The following SLC52A1 variants were observed in gnomAD, a reference collection of about 807,000 sequenced individuals.
SLC52A1 encodes solute carrier family 52 member 1.
In SLC52A1, 20 loss-of-function variants were observed where a neutral mutation model predicts 23.2. The observed-to-expected ratio is 0.86, with a 90% confidence interval of 0.61 to 1.25. The LOEUF (loss-of-function observed/expected upper bound fraction) is 1.25. Among genes scored for constraint, SLC52A1 ranks in the 50% most tolerant of loss-of-function variants. SLC52A1 has a pLI of 0.00. For missense variants in SLC52A1, 528 were observed against 557.0 expected (o/e 0.95, Z 0.52); for synonymous variants, 260 against 256.6 (o/e 1.01, Z -0.13).
In SLC52A1 at chr17:5,033,998, A is replaced by G. The variant is rs979459191; in HGVS notation, c.491T>C (p.Val164Ala). ...GCACTCGAGGCGGCCCACACCTTGCACTAGGGCCAGCACACAGGGGAGTAG... is the reference window on the plus strand; with the variant it reads ...GCACTCGAGGCGGCCCACACCTTGCGCTAGGGCCAGCACACAGGGGAGTAG... ...SALLPCVLAL[V>A]QGVGRLECPP... The change falls in exon 3 of 5, where the codon GTG becomes GCG. Residue 164 changes from valine to alanine, a missense_variant. Coordinates refer to ENST00000254853, the MANE Select transcript of SLC52A1 (RefSeq NM_017986.4). The G allele has an allele frequency of 6.2e-7, 1 of 1,614,004 alleles. No homozygotes were observed. Among genetic ancestry groups the G allele is most frequent in the African/African-American group, 1.3e-5 (1 of 75,046 alleles).
chr17:5,038,886 C>G (rs892173245), upstream of SLC52A1, among the ~76,000 whole-genome samples: 1 of 152,100 alleles, frequency 6.6e-6, no homozygotes, highest in Non-Finnish European at 1.5e-5. Flanking sequence ...CCGCGCCTGG[C>G]CTATCCAACA....
At chr17:5,039,662 G>C (rs1488088301), upstream of SLC52A1, among the ~76,000 whole-genome samples, 6 of 152,066 alleles carry the variant, frequency 3.9e-5, no homozygotes, top group Admixed American at 2.0e-4. Context: ...AGTAAAGATG[G>C]GGTTTCACCA....
chr17:5,033,861 C>T lies in SLC52A1; in HGVS notation c.628G>A (p.Ala210Thr), dbSNP rs139373407. 101 of 1,614,240 alleles carry T rather than the reference C, an allele frequency of 6.3e-5. No homozygotes were observed. The highest frequency in any genetic ancestry group is 3.2e-4 in the African/African-American group (24 of 75,068). ...AACAGCAACAGGAGACCCCGGAAGGCGGCAGCTGAAGTGACCAGAAGGGCA... is the reference window on the plus strand; with the variant it reads ...AACAGCAACAGGAGACCCCGGAAGGTGGCAGCTGAAGTGACCAGAAGGGCA... ...LTALLVTSAA[A>T]FRGLLLLLPS... The change falls in exon 3 of 5, where the codon GCC becomes ACC. Residue 210 changes from alanine to threonine, a missense_variant. Ala to Thr is a moderately conservative substitution (Grantham distance 58). Coordinates refer to ENST00000254853, the MANE Select transcript of SLC52A1 (RefSeq NM_017986.4).
chr17:5,037,787 A>G (rs1468938211), upstream of SLC52A1, among the ~76,000 whole-genome samples: 1 of 152,132 alleles, frequency 6.6e-6, no homozygotes, highest in African/African-American at 2.4e-5. Flanking sequence ...CCCTATTCTC[A>G]GTGATCATTA....
upstream of SLC52A1, among the ~76,000 whole-genome samples, chr17:5,037,259 C>T (rs369002020): frequency 5.8e-4 from 88 of 152,300 alleles, 1 homozygote; most frequent in East Asian, 0.013. Context: ...GTGGCTCACG[C>T]CTGTAATCCC....
chr17:5,037,926 T>C (rs1173827937), upstream of SLC52A1, among the ~76,000 whole-genome samples: 3 of 146,258 alleles, frequency 2.1e-5, no homozygotes, highest in Non-Finnish European at 3.0e-5. Context: ...TTTTTTTTTT[T>C]TTTTTTTTTT....
chr17:5,040,394 A>C (rs1597882067), upstream of SLC52A1, among the ~76,000 whole-genome samples: 2 of 152,046 alleles, frequency 1.3e-5, no homozygotes. Flanking sequence ...GGCTGCTCCC[A>C]AACTCCTGGG....
intron 1 of SLC52A1, among the ~76,000 whole-genome samples, chr17:5,040,533 G>T (rs1034399185): frequency 1.3e-5 from 2 of 152,128 alleles, no homozygotes; most frequent in Non-Finnish European, 2.9e-5. Context: ...TGTCATTGTG[G>T]TTTCGACACT....
At chr17:5,041,016 C>T (rs1489288057) in intron 1 of SLC52A1, among the ~76,000 whole-genome samples, 9 of 152,022 alleles carry the variant, frequency 5.9e-5, no homozygotes, top group South Asian at 2.1e-4. Flanking sequence ...AGGATGGTCT[C>T]GATCTCCTGA....
At position 5,032,979 on chromosome 17, in the gene SLC52A1, C is replaced by T. The variant is rs1423058072; in HGVS notation, c.1325G>A (p.Cys442Tyr). ...GGCTCAGGGGCCACAGGGGTCTACA[C>T]AGTCCTTTCTGCTTTGAAACACGTG... Reference protein sequence around the residue: ...IYHVFQSRKDCVDPCGP With the variant: ...IYHVFQSRKDYVDPCGP Residue 442 changes from cysteine (C) to tyrosine (Y), a missense_variant, in exon 5 of 5, where the codon TGT becomes TAT. Physicochemically the swap from Cys to Tyr is radical, Grantham distance 194. Transcript: ENST00000254853. 6.2e-7 allele frequency: 1 copy of T among 1,613,788 alleles called. No individual in the cohort carries two copies.
rs1975369684 is a variant in SLC52A1 at position 5,033,479 on chromosome 17, C to T, written c.1010G>A (p.Arg337Lys). 1 of 1,611,046 alleles carries T rather than the reference C, an allele frequency of 6.2e-7. No individual in the cohort carries two copies. The highest frequency in any genetic ancestry group is 8.5e-7 in the Non-Finnish European group (1 of 1,178,304). Residue 337 changes from arginine (R) to lysine (K), a missense_variant and splice_region_variant, in exon 3 of 5, where the codon AGG becomes AAG. Arg to Lys is a conservative substitution (Grantham distance 26). Transcript: ENST00000254853. ...ACFLAMGVLC[R>K]SLAGLVGLSL... ...ACCAAGCCTGGGGACCCTTTTGCAC[C>T]TGCACAGCACGCCCATGGCCAGGAA...
intron 1 of SLC52A1, among the ~76,000 whole-genome samples, chr17:5,041,332 G>A (rs184732335): frequency 1.3e-5 from 2 of 151,632 alleles, no homozygotes; most frequent in African/African-American, 2.4e-5. Flanking sequence ...GCCCAGGTTC[G>A]AGTGCAGTGG....
rs1197108340 is a variant in SLC52A1 at position 5,034,937 on chromosome 17, G to C, written c.-184C>G. 7.4e-6 allele frequency: 2 copies of C among 270,302 alleles called. No individual in the cohort carries two copies. The highest frequency in any genetic ancestry group is 8.6e-5 in the Admixed American group (2 of 23,386). 16.7% of individuals were successfully genotyped at this position (270,302 alleles called of 1,614,324 possible). A position where few individuals can be genotyped will look rare whatever the true frequency, so the allele number is the denominator to read the frequency against. Reference sequence around the variant, plus strand: ...GCAGACAGGCAGAAAGCTGGCCCGAGGTGCAGCTGCCCCAGAGGAGCAAAG... The same window carrying C: ...GCAGACAGGCAGAAAGCTGGCCCGACGTGCAGCTGCCCCAGAGGAGCAAAG... On this transcript the variant is annotated 5_prime_UTR_variant, in exon 1 of 5. Coordinates refer to ENST00000254853, the MANE Select transcript of SLC52A1 (RefSeq NM_017986.4).
chr17:5,034,653 G>C lies in SLC52A1; in HGVS notation c.-47C>G. 1 of 1,608,246 alleles carries C rather than the reference G, an allele frequency of 6.2e-7. No homozygotes were observed. Among genetic ancestry groups the C allele is most frequent in the East Asian group, 2.2e-5 (1 of 44,810 alleles). ...CAGGACAGGGCAAAGGTCACAGGCA[G>C]GTCCTTCCCTAGGTAGGTCCAAAGA... On this transcript the variant is annotated 5_prime_UTR_variant, in exon 2 of 5. Transcript: ENST00000254853.
chr17:5,036,020 C>T (rs1975446992), upstream of SLC52A1, among the ~76,000 whole-genome samples: 1 of 149,364 alleles, frequency 6.7e-6, no homozygotes, highest in Admixed American at 6.8e-5. Flanking sequence ...TAGCTACCGC[C>T]ACGCTCAGCT....
upstream of SLC52A1, among the ~76,000 whole-genome samples, chr17:5,038,601 T>TC (rs955148766): frequency 7.3e-5 from 11 of 151,382 alleles, no homozygotes; most frequent in Admixed American, 2.6e-4. Context: ...TTTTTTTTTT[T>TC]TTCGAGACAG....
Position 5,032,783 on chromosome 17 carries a change from C to A in SLC52A1, c.*174G>T, listed in dbSNP as rs896058728. On this transcript the variant is annotated 3_prime_UTR_variant, in exon 5 of 5. Transcript: ENST00000254853. ...CCCAACCTGTCCCCTGGCTCTGGGC[C>A]TGGTCTTTGGTGCCCACCCTGGCCT... 3.5e-5 allele frequency: 22 copies of A among 631,782 alleles called. No individual in the cohort carries two copies. The Admixed American group carries it at 6.4e-4, about 18-fold the overall frequency. 39.1% of individuals were successfully genotyped at this position (631,782 alleles called of 1,614,324 possible).
chr17:5,035,547 G>T (rs527732019), upstream of SLC52A1: 1 of 152,166 alleles, frequency 6.6e-6, no homozygotes. Flanking sequence ...CCCGGGAGCC[G>T]CCAGGTGCGC....
Position 5,033,459 on chromosome 17 carries a change from GCCTGGGGACC to G in SLC52A1, c.1010+10_1010+19del, listed in dbSNP as rs553728943. 5.5e-4 allele frequency: 880 copies of G among 1,610,140 alleles called. 4 individuals are homozygous for G. In the African/African-American group the frequency reaches 9.1e-3, roughly 17 times the overall value. On this transcript the variant is annotated intron_variant, in intron 3 of 4. Coordinates refer to ENST00000254853, the MANE Select transcript of SLC52A1 (RefSeq NM_017986.4). ...CCCAACCTTAAGTTCCACCCACCAAGCCTGGGGACCCTTTTGCACCTGCACAGCACGCCCA... is the reference window on the plus strand; with the variant it reads ...CCCAACCTTAAGTTCCACCCACCAAGCTTTTGCACCTGCACAGCACGCCCA...
Sources: allele counts gnomAD v4.1 joint callset (sites outside exome capture counted in the v4.1 genomes callset), GRCh38; gene constraint gnomAD v4.1.1; transcripts MANE v1.5; gene names NCBI Gene and HGNC (gene_info 2026-07-23, HGNC 2026-07-21).